MRPS28: variants seen among roughly 807,000 people sequenced by gnomAD.
MRPS28 encodes small ribosomal subunit protein bS1m.
Under a neutral mutation model 10.8 loss-of-function variants are expected in MRPS28, and 7 were observed. The ratio of observed to expected loss-of-function variants is 0.65; its 90% confidence interval spans 0.37 to 1.22. The LOEUF (loss-of-function observed/expected upper bound fraction) is 1.22. MRPS28 is among the 50% of genes most tolerant of loss of function. MRPS28 has a pLI of 0.02. For synonymous variants in MRPS28, 121 were observed against 93.3 expected, an observed-to-expected ratio of 1.30 and a Z score of -1.71; for missense variants, 265 against 232.9, an observed-to-expected ratio of 1.14 and a Z score of -0.90.
At chr8:79,935,428 T>C (rs1806583039) in intron 2 of MRPS28, among the ~76,000 whole-genome samples, 1 of 152,226 alleles carries the variant, frequency 6.6e-6, no homozygotes, top group Admixed American at 6.5e-5. Flanking sequence ...TTTCATTCTC[T>C]TCCTCTTCCC....
At chr8:79,964,205 T>C (rs1160812414) in intron 2 of MRPS28, among the ~76,000 whole-genome samples, 1 of 152,092 alleles carries the variant, frequency 6.6e-6, no homozygotes, top group Non-Finnish European at 1.5e-5. Context: ...GTCTGGAGTC[T>C]GAAGCATCAG....
intron 2 of MRPS28, among the ~76,000 whole-genome samples, chr8:79,920,522 T>A (rs1221212501): frequency 2.0e-5 from 3 of 152,236 alleles, no homozygotes; most frequent in Non-Finnish European, 4.4e-5. Context: ...TGGTTTTGAT[T>A]TGCATTTCTC....
intron 2 of MRPS28, among the ~76,000 whole-genome samples, chr8:79,926,711 T>G (rs1810242883): frequency 6.6e-6 from 1 of 152,180 alleles, no homozygotes; most frequent in South Asian, 2.1e-4. Flanking sequence ...GAGGGGATAA[T>G]AAGGTCCAGA....
intron 2 of MRPS28, among the ~76,000 whole-genome samples, chr8:79,972,183 T>C (rs1807652019): frequency 6.6e-6 from 1 of 152,194 alleles, no homozygotes; most frequent in South Asian, 2.1e-4. Flanking sequence ...ATTATCTGCA[T>C]AGAATTTATC....
At chr8:80,012,067 AG>A (rs1234018844) in intron 1 of MRPS28, among the ~76,000 whole-genome samples, 7 of 152,298 alleles carry the variant, frequency 4.6e-5, no homozygotes, top group African/African-American at 1.7e-4. Context: ...AACTTTATAA[AG>A]TTATAGTTAC....
intron 2 of MRPS28, among the ~76,000 whole-genome samples, chr8:79,951,436 C>A (rs1807077754): frequency 6.6e-6 from 1 of 152,164 alleles, no homozygotes; most frequent in African/African-American, 2.4e-5. Flanking sequence ...CATCCTGGCA[C>A]ACAGGCAGCA....
At chr8:80,026,162 A>T (rs1809488671) in intron 1 of MRPS28, among the ~76,000 whole-genome samples, 1 of 152,226 alleles carries the variant, frequency 6.6e-6, no homozygotes, top group Non-Finnish European at 1.5e-5. Flanking sequence ...TTCATCTTGT[A>T]ATCTCACGAT....
At chr8:79,949,067 GATTAC>G (rs1390414412) in intron 2 of MRPS28, among the ~76,000 whole-genome samples, 1 of 152,092 alleles carries the variant, frequency 6.6e-6, no homozygotes, top group Non-Finnish European at 1.5e-5. Context: ...TTACATTAAT[GATTAC>G]ATTAATGATT....
intron 1 of MRPS28, among the ~76,000 whole-genome samples, chr8:80,014,821 C>T (rs1586097998): frequency 6.6e-6 from 1 of 152,106 alleles, no homozygotes; most frequent in African/African-American, 2.4e-5. Flanking sequence ...CCCCCTGCCA[C>T]CCCCACTCCA....
At chr8:80,009,169 G>C (rs1160338524) in intron 1 of MRPS28, among the ~76,000 whole-genome samples, 1 of 152,114 alleles carries the variant, frequency 6.6e-6, no homozygotes, top group Non-Finnish European at 1.5e-5. Flanking sequence ...GCAAACTATT[G>C]CAAGGACAAA....
chr8:79,928,812 A>AC (rs1806376149), intron 2 of MRPS28, among the ~76,000 whole-genome samples: 2 of 151,424 alleles, frequency 1.3e-5, no homozygotes, highest in South Asian at 4.2e-4. Context: ...TTTGGAGCTG[A>AC]GTGGGCGGAT....
At chr8:79,974,036 C>T (rs1203363424) in intron 2 of MRPS28, among the ~76,000 whole-genome samples, 2 of 152,090 alleles carry the variant, frequency 1.3e-5, no homozygotes, top group African/African-American at 2.4e-5. Flanking sequence ...TGAGCCACTG[C>T]ACCTGGCCTA....
chr8:80,015,624 T>C (rs891976480), intron 1 of MRPS28, among the ~76,000 whole-genome samples: 1 of 152,132 alleles, frequency 6.6e-6, no homozygotes, highest in African/African-American at 2.4e-5. Context: ...CAATACATCA[T>C]GCCCAGCTAT....
chr8:79,930,052 T>G (rs1293322774), intron 2 of MRPS28, among the ~76,000 whole-genome samples: 1 of 152,172 alleles, frequency 6.6e-6, no homozygotes, highest in Non-Finnish European at 1.5e-5. Context: ...AGTACAACAC[T>G]CTCAGTGACT....
chr8:80,029,894 C>G, intron 1 of MRPS28, 142 bp downstream of exon 1: 2 of 1,536,320 alleles, frequency 1.3e-6, no homozygotes, highest in South Asian at 1.2e-5. Context: ...GAGGGCTGAG[C>G]CACAACGCAC....
intron 2 of MRPS28, among the ~76,000 whole-genome samples, chr8:79,921,915 G>A (rs1488890330): frequency 6.6e-6 from 1 of 152,138 alleles, no homozygotes; most frequent in Non-Finnish European, 1.5e-5. Context: ...TATTGGCTGT[G>A]GGTTTGTCAT....
chr8:80,002,669 A>C (rs908616589), intron 2 of MRPS28, among the ~76,000 whole-genome samples: 1 of 152,206 alleles, frequency 6.6e-6, no homozygotes, highest in Non-Finnish European at 1.5e-5. Context: ...GAACAGAGAG[A>C]AGGGACAAAA....
intron 2 of MRPS28, among the ~76,000 whole-genome samples, chr8:79,997,111 T>C (rs867298580): frequency 6.6e-6 from 1 of 152,144 alleles, no homozygotes; most frequent in African/African-American, 2.4e-5. Context: ...AGATGGAATA[T>C]AGAAAGGAAA....
chr8:79,987,433 A>C (rs1199214717), intron 2 of MRPS28, among the ~76,000 whole-genome samples: 2 of 152,102 alleles, frequency 1.3e-5, no homozygotes, highest in Admixed American at 1.3e-4. Flanking sequence ...AATGGGATCT[A>C]ATTAAACTAA....
Sources: gnomAD v4.1 joint callset for allele counts (sites outside exome capture counted in the v4.1 genomes callset) on GRCh38, gnomAD v4.1.1 for gene constraint, MANE v1.5 for transcripts, NCBI Gene and HGNC (gene_info 2026-07-23, HGNC 2026-07-21) for gene names.